ARID4A: variants seen among roughly 807,000 people sequenced by gnomAD.
ARID4A encodes the protein AT-rich interactive domain-containing protein 4A.
A neutral mutation model predicts 148.6 loss-of-function variants in ARID4A; 39 were observed. The observed-to-expected ratio is 0.26, with a 90% CI of 0.20 to 0.34. ARID4A has a LOEUF of 0.34. Ranked by LOEUF, ARID4A falls within the 10% of genes least tolerant of loss-of-function variation. The pLI is 1.00. For missense variants in ARID4A, 1,265 were observed against 1,449.1 expected (o/e 0.87, Z 2.06); for synonymous variants, 475 against 481.2 (o/e 0.99, Z 0.17).
chr14:58,333,340 T>C (rs2033636654), intron 11 of ARID4A, among the ~76,000 whole-genome samples: 2 of 152,074 alleles, frequency 1.3e-5, no homozygotes, highest in Non-Finnish European at 1.5e-5. Context: ...ACATAAGTAA[T>C]CATATCAATT....
At position 58,364,784 on chromosome 14, in the gene ARID4A, A is replaced by C. The variant is rs769455560; in HGVS notation, c.2695A>C (p.Asn899His). 1 of 1,614,164 alleles carries C rather than the reference A, an allele frequency of 6.2e-7. No homozygotes were observed. The highest frequency in any genetic ancestry group is 8.5e-7 in the Non-Finnish European group (1 of 1,180,012). ...TGGATCTGAGGGAATGAAAAACTTA[A>C]ATTTTGAACAGCACTTTGAAAGAGA... is the stretch of plus-strand genomic sequence containing the variant. Reference protein sequence around the residue: ...CIGSEGMKNLNFEQHFERENE... With the variant: ...CIGSEGMKNLHFEQHFERENE... The change falls in exon 20 of 24, where the codon AAT becomes CAT. Residue 899 changes from asparagine (N) to histidine (H), a missense_variant. Transcript: ENST00000355431.
At chr14:58,360,715 TTAA>T (rs2035096389) in intron 18 of ARID4A, among the ~76,000 whole-genome samples, 183 bp from the exon 19 acceptor site, 1 of 152,202 alleles carries the variant, frequency 6.6e-6, no homozygotes, top group African/African-American at 2.4e-5. Flanking sequence ...GACACTAATG[TTAA>T]TAAGTTCTGA....
chr14:58,361,836 T>G (rs1476362572), intron 19 of ARID4A, among the ~76,000 whole-genome samples: 1 of 152,172 alleles, frequency 6.6e-6, no homozygotes, highest in Non-Finnish European at 1.5e-5. Flanking sequence ...GCCCAAAAAG[T>G]TGTGGAATTT....
rs145311437 is a variant in ARID4A, at chr14:58,343,680, A to G, written c.907-1015A>G. The stretch of plus-strand genomic sequence containing the variant: ...CCCTTCTCTATTAAAAATACAAAAA[A>G]TTAGCCAGGTGTAGTGGCACACTCC... On this transcript the variant is annotated intron_variant, in intron 11 of 23. Coordinates refer to ENST00000355431, the MANE Select transcript of ARID4A (RefSeq NM_002892.4). Among the ~76,000 whole-genome samples, 974 of 152,120 alleles carry G rather than the reference A, an allele frequency of 6.4e-3. 14 individuals are homozygous for G. The highest frequency in any genetic ancestry group is 0.023 in the African/African-American group (943 of 41,512).
intron 5 of ARID4A, among the ~76,000 whole-genome samples, chr14:58,308,646 A>G (rs2031788664): frequency 6.6e-6 from 1 of 152,176 alleles, no homozygotes; most frequent in South Asian, 2.1e-4. Flanking sequence ...AGTTGGTTTA[A>G]AAAAAACAGT....
chr14:58,316,717 A>G (rs1013793448), intron 5 of ARID4A, among the ~76,000 whole-genome samples: 9 of 152,042 alleles, frequency 5.9e-5, no homozygotes, highest in African/African-American at 1.7e-4. Flanking sequence ...AGTAGCTGAG[A>G]TTACAGGCGT....
chr14:58,308,144 GT>G (rs1419112299), intron 5 of ARID4A, among the ~76,000 whole-genome samples: 1 of 152,164 alleles, frequency 6.6e-6, no homozygotes, highest in Admixed American at 6.5e-5. Flanking sequence ...GCGTTTTAGT[GT>G]TTCTAAAAAC....
At position 58,323,500 on chromosome 14, in the gene ARID4A, G is replaced by C; in HGVS notation, c.465G>C (p.Lys155Asn). Residue 155 changes from lysine (K) to asparagine (N), a missense_variant, in exon 8 of 24, where the codon AAG (lysine) becomes AAC (asparagine). Lys to Asn is a moderately conservative substitution (Grantham distance 94). This residue lies in a region of ARID4A where 249 missense variants were observed against 277.2 expected (regional missense o/e 0.90). Coordinates refer to ENST00000355431, the MANE Select transcript of ARID4A (RefSeq NM_002892.4). ...TAACTTTTAGTACTGAAGATGAAAA[G>C]GAAGAAGAAAGCAGTGAAGAGGAAG... is the stretch of plus-strand genomic sequence containing the variant. ...RSSLPVTEDE[K>N]EEESSEEEDE... is the part of the protein sequence containing the mutation. The C allele has an allele frequency of 6.2e-7, 1 of 1,612,294 alleles. No homozygotes were observed. The highest frequency in any genetic ancestry group is 8.5e-7 in the Non-Finnish European group (1 of 1,178,414).
At chr14:58,343,252 G>A (rs1055901367) in intron 11 of ARID4A, among the ~76,000 whole-genome samples, 1 of 152,226 alleles carries the variant, frequency 6.6e-6, no homozygotes, top group Non-Finnish European at 1.5e-5. Flanking sequence ...ATTTTGGTTA[G>A]AACTTATATT....
chr14:58,321,915 A>G (rs556816866), intron 7 of ARID4A, among the ~76,000 whole-genome samples: 1 of 152,066 alleles, frequency 6.6e-6, no homozygotes, highest in East Asian at 1.9e-4. Context: ...TGGTTTTTGT[A>G]TTAGATAATG....
chr14:58,306,068 A>C lies in ARID4A; in HGVS notation c.230A>C (p.Glu77Ala). The change falls in exon 5 of 24, where the codon GAA (glutamate) becomes GCA (alanine). Residue 77 changes from glutamate to alanine, a missense_variant. Coordinates refer to ENST00000355431, the MANE Select transcript of ARID4A (RefSeq NM_002892.4). Reference sequence around the variant, plus strand: ...AGGACATCTGATGGATCTTTTCAGGAAGCTATTATCAGCAAGTTGACAGAT... The same window carrying C: ...AGGACATCTGATGGATCTTTTCAGGCAGCTATTATCAGCAAGTTGACAGAT... ...ETRTSDGSFQ[E>A]AIISKLTDAS... 1 of 1,613,730 alleles carries C rather than the reference A, an allele frequency of 6.2e-7. No individual in the cohort carries two copies. The highest frequency in any genetic ancestry group is 1.1e-5 in the South Asian group (1 of 91,060).
At chr14:58,350,530 A>C (rs2034588034) in intron 15 of ARID4A, among the ~76,000 whole-genome samples, 3 of 152,214 alleles carry the variant, frequency 2.0e-5, no homozygotes, top group South Asian at 4.1e-4. Context: ...CATTCAAAGA[A>C]GTCTGCTCAC....
intron 7 of ARID4A, 146 bp from the exon 8 acceptor site, chr14:58,323,339 C>T: frequency 1.1e-6 from 1 of 914,094 alleles, no homozygotes. Flanking sequence ...AGGAAGGACC[C>T]ATGTCTTCAG....
chr14:58,362,582 C>T (rs2035181012), intron 19 of ARID4A, among the ~76,000 whole-genome samples: 1 of 151,814 alleles, frequency 6.6e-6, no homozygotes, highest in African/African-American at 2.4e-5. Context: ...GAGCAAGACC[C>T]CACCTCACTC....
At chr14:58,326,194 T>C (rs2033199613) in intron 8 of ARID4A, among the ~76,000 whole-genome samples, 1 of 152,062 alleles carries the variant, frequency 6.6e-6, no homozygotes, top group South Asian at 2.1e-4. Context: ...TCCCAGCACT[T>C]TGGGAGGCTG....
At chr14:58,325,517 T>C (rs2033159845) in intron 8 of ARID4A, among the ~76,000 whole-genome samples, 1 of 152,140 alleles carries the variant, frequency 6.6e-6, no homozygotes, top group Non-Finnish European at 1.5e-5. Flanking sequence ...ACTCCTGGGC[T>C]CAGACAATGG....
chr14:58,321,551 C>A (rs1380463118), intron 7 of ARID4A, among the ~76,000 whole-genome samples: 1 of 152,104 alleles, frequency 6.6e-6, no homozygotes, highest in East Asian at 1.9e-4. Flanking sequence ...TGCGCCAACC[C>A]TGGAATTGGC....
chr14:58,358,305 C>T (rs909570376), intron 17 of ARID4A, among the ~76,000 whole-genome samples: 3 of 151,822 alleles, frequency 2.0e-5, no homozygotes, highest in Admixed American at 6.6e-5. Flanking sequence ...CCCGTCTCTA[C>T]GAAAAATAAA....
intron 7 of ARID4A, among the ~76,000 whole-genome samples, chr14:58,319,585 A>G (rs2032719779): frequency 9.7e-6 from 1 of 103,000 alleles, no homozygotes; most frequent in Non-Finnish European, 1.7e-5. Context: ...TGTCTGTGCC[A>G]CCAAGGCTGG....
Sources: gnomAD v4.1 joint callset for allele counts (sites outside exome capture counted in the v4.1 genomes callset) on GRCh38, gnomAD v4.1.1 for gene constraint, gnomAD v4.1.1 regional missense constraint, MANE v1.5 for transcripts, NCBI Gene and HGNC (gene_info 2026-07-23, HGNC 2026-07-21) for gene names.